The following PRLR variants were observed in gnomAD, a reference collection of about 807,000 sequenced individuals.
PRLR encodes the protein hPRL receptor.
PRLR carries 13 observed loss-of-function variants against 40.2 expected under a neutral mutation model. The ratio of observed to expected loss-of-function variants is 0.32; its 90% confidence interval spans 0.21 to 0.51. PRLR has a LOEUF of 0.51. PRLR is among the 20% of genes least tolerant of loss of function. The pLI, the probability that PRLR is intolerant of heterozygous loss-of-function variation, is 0.97. For missense variants in PRLR, 656 were observed against 747.3 expected, an observed-to-expected ratio of 0.88 and a Z score of 1.42; for synonymous variants, 269 against 278.7, an observed-to-expected ratio of 0.97 and a Z score of 0.35.
chr5:35,184,973 T>C (rs1775386805), intron 1 of PRLR, among the ~76,000 whole-genome samples: 1 of 152,254 alleles, frequency 6.6e-6, no homozygotes. Flanking sequence ...AGTCCACCTC[T>C]AGATTATAGC....
chr5:35,165,614 C>A (rs1442718479), intron 1 of PRLR, among the ~76,000 whole-genome samples: 1 of 152,144 alleles, frequency 6.6e-6, no homozygotes. Flanking sequence ...GCCTGGGTAA[C>A]CATTGGCCTT....
intron 1 of PRLR, among the ~76,000 whole-genome samples, chr5:35,130,972 C>T (rs530692534): frequency 4.6e-5 from 7 of 152,304 alleles, no homozygotes; most frequent in Non-Finnish European, 1.0e-4. Flanking sequence ...GGGAGGACTC[C>T]ACCCAGCATC....
intron 2 of PRLR, among the ~76,000 whole-genome samples, chr5:35,098,261 C>T (rs752888750): frequency 1.3e-5 from 2 of 152,136 alleles, no homozygotes; most frequent in Non-Finnish European, 2.9e-5. Flanking sequence ...CTTTTGTTCT[C>T]CACTGCCCTT....
intron 5 of PRLR, among the ~76,000 whole-genome samples, chr5:35,078,930 T>C (rs1018757254): frequency 6.6e-6 from 1 of 152,064 alleles, no homozygotes; most frequent in Non-Finnish European, 1.5e-5. Flanking sequence ...ATGTAATCCA[T>C]CATAGAAACA....
At chr5:35,213,793 T>C (rs1438883090) in intron 1 of PRLR, among the ~76,000 whole-genome samples, 1 of 152,098 alleles carries the variant, frequency 6.6e-6, no homozygotes, top group African/African-American at 2.4e-5. Flanking sequence ...TTCCAAGTGG[T>C]TTAGTGAGTC....
At chr5:35,176,139 T>C (rs1579766587) in intron 1 of PRLR, among the ~76,000 whole-genome samples, 2 of 152,180 alleles carry the variant, frequency 1.3e-5, no homozygotes, top group East Asian at 3.8e-4. Flanking sequence ...TTCTGTACTG[T>C]CCCTTGTTAT....
intron 2 of PRLR, among the ~76,000 whole-genome samples, chr5:35,106,691 A>G (rs1235375571): frequency 1.3e-5 from 2 of 152,222 alleles, no homozygotes; most frequent in Admixed American, 6.5e-5. Flanking sequence ...CTAAATATAC[A>G]TGCACCCAAT....
At chr5:35,128,459 A>AATACTAT (rs1773543294) in intron 1 of PRLR, among the ~76,000 whole-genome samples, 3 of 151,850 alleles carry the variant, frequency 2.0e-5, no homozygotes, top group African/African-American at 7.3e-5. Context: ...GTAAATAGCA[A>AATACTAT]GTGAATATTT....
chr5:35,054,536 A>G (rs1768628346), downstream of PRLR, among the ~76,000 whole-genome samples: 1 of 152,234 alleles, frequency 6.6e-6, no homozygotes, highest in South Asian at 2.1e-4. Context: ...ATGTATATGT[A>G]CAATTACAGC....
chr5:35,093,411 A>G (rs772313071), intron 2 of PRLR, among the ~76,000 whole-genome samples: 7 of 152,170 alleles, frequency 4.6e-5, no homozygotes, highest in Non-Finnish European at 7.3e-5. Flanking sequence ...CCTGCCAGCA[A>G]TCTCAGCCCT....
chr5:35,128,059 A>G lies in PRLR; in HGVS notation c.-105-9937T>C, dbSNP rs1387050089. ...TGATGAGGTTAGGTCCAGATAAACT[A>G]TACGCTGAAAATATCATAAGTTGAA... On this transcript the variant is annotated intron_variant, in intron 1 of 9. Coordinates refer to ENST00000618457, the MANE Select transcript of PRLR (RefSeq NM_000949.7). 2.6e-5 allele frequency among the ~76,000 whole-genome samples: 4 copies of G among 152,064 alleles called. No homozygotes were observed. In the East Asian group the frequency reaches 7.8e-4, roughly 30 times the overall value.
downstream of PRLR, among the ~76,000 whole-genome samples, chr5:35,051,438 T>C (rs1344087051): frequency 6.6e-6 from 1 of 152,238 alleles, no homozygotes; most frequent in East Asian, 1.9e-4. Flanking sequence ...GTTGGGATTT[T>C]CTAGTTGTTC....
intron 1 of PRLR, among the ~76,000 whole-genome samples, chr5:35,133,697 T>G (rs1773759077): frequency 6.6e-6 from 1 of 152,218 alleles, no homozygotes; most frequent in African/African-American, 2.4e-5. Context: ...TAAGCAGTTT[T>G]CAATCTGATC....
intron 1 of PRLR, among the ~76,000 whole-genome samples, chr5:35,132,638 G>T (rs938324722): frequency 6.6e-6 from 1 of 152,198 alleles, no homozygotes; most frequent in South Asian, 2.1e-4. Flanking sequence ...ACTCTAAATT[G>T]TTGAAGTTGA....
At position 35,056,356 on chromosome 5, in the gene PRLR, T is replaced by G. The variant is rs914404903; in HGVS notation, c.*8733A>C. On this transcript the variant is annotated 3_prime_UTR_variant, in exon 10 of 10. Transcript: ENST00000618457. ...AAGGTGAAGCCAGCAGGAATTACTC[T>G]GCATATTCTGGCCAGGAAGGTCCCT... The G allele has an allele frequency of 1.4e-4, 22 of 152,220 alleles. No homozygotes were observed. The highest frequency in any genetic ancestry group is 5.3e-4 in the African/African-American group (22 of 41,458). The allele number at this position is 152,220 out of a possible 1,614,324, so 9.4% of individuals were successfully genotyped here.
chr5:35,228,003 ACT>A (rs1413355583), intron 1 of PRLR, among the ~76,000 whole-genome samples: 1 of 152,036 alleles, frequency 6.6e-6, no homozygotes. Context: ...AGCCAGTCTG[ACT>A]CTGTATTCTG....
At chr5:35,119,210 C>T (rs1309247125) in intron 1 of PRLR, among the ~76,000 whole-genome samples, 2 of 152,142 alleles carry the variant, frequency 1.3e-5, no homozygotes, top group Non-Finnish European at 2.9e-5. Flanking sequence ...GAGTAGCAGA[C>T]AAAATAATGC....
intron 2 of PRLR, among the ~76,000 whole-genome samples, chr5:35,116,725 T>C (rs1773044615): frequency 6.6e-6 from 1 of 152,220 alleles, no homozygotes; most frequent in South Asian, 2.1e-4. Flanking sequence ...TGTTACCAGA[T>C]GCTCCTGGGC....
chr5:35,084,464 C>A lies in PRLR; in HGVS notation c.373+6G>T, dbSNP rs1387902031. ...GAAATTCCTCACCCACTTTCCTTCCCCTTACCTATGTAAGTCACGTCCACA... is the reference window on the plus strand; with the variant it reads ...GAAATTCCTCACCCACTTTCCTTCCACTTACCTATGTAAGTCACGTCCACA... On this transcript the variant is annotated splice_donor_region_variant and intron_variant, in intron 5 of 9. Coordinates refer to ENST00000618457, the MANE Select transcript of PRLR (RefSeq NM_000949.7). 1 of 1,558,154 alleles carries A rather than the reference C, an allele frequency of 6.4e-7. No individual in the cohort carries two copies. Among genetic ancestry groups the A allele is most frequent in the South Asian group, 1.2e-5 (1 of 80,678 alleles).
Sources: gnomAD v4.1 joint callset for allele counts (sites outside exome capture counted in the v4.1 genomes callset) on GRCh38, gnomAD v4.1.1 for gene constraint, MANE v1.5 for transcripts, NCBI Gene and HGNC (gene_info 2026-07-23, HGNC 2026-07-21) for gene names.